BSDC1: variants seen among roughly 807,000 people sequenced by gnomAD.
BSDC1 encodes BSD domain-containing protein 1.
In BSDC1, 29 loss-of-function variants were observed where a neutral mutation model predicts 56.0. The ratio of observed to expected loss-of-function variants is 0.52; its 90% CI spans 0.39 to 0.71. The LOEUF (loss-of-function observed/expected upper bound fraction) is 0.71. Among genes scored for constraint, BSDC1 ranks in the 30% least tolerant of loss-of-function variants. The pLI is 0.00. For synonymous variants in BSDC1, 210 were observed against 215.3 expected (o/e 0.98, Z 0.21); for missense variants, 477 against 548.5 (o/e 0.87, Z 1.30).
At chr1:32,368,960 A>T (rs1641966213) in intron 9 of BSDC1, among the ~76,000 whole-genome samples, 1 of 152,192 alleles carries the variant, frequency 6.6e-6, no homozygotes, top group South Asian at 2.1e-4. Flanking sequence ...CGGCCTCCCA[A>T]GGTGCTGGGA....
Position 32,366,428 on chromosome 1 carries a change from G to A in BSDC1, c.*194C>T, listed in dbSNP as rs374016229. ...TTGGCACAAGTCAGAGTTTCTGGCC[G>A]GGATTTAGAGAGCCCCTTCCCAGGT... On this transcript the variant is annotated 3_prime_UTR_variant, in exon 11 of 11. Coordinates refer to ENST00000455895, the MANE Select transcript of BSDC1 (RefSeq NM_018045.8). The A allele has an allele frequency of 4.4e-5, 31 of 712,204 alleles. 1 individual carries two copies. The highest frequency in any genetic ancestry group is 1.6e-4 in the African/African-American group (9 of 57,460). 44.1% of individuals were successfully genotyped at this position (712,204 alleles called of 1,614,324 possible).
intron 9 of BSDC1, among the ~76,000 whole-genome samples, chr1:32,371,326 T>TA (rs1553162851): frequency 6.8e-6 from 1 of 147,716 alleles, no homozygotes; most frequent in East Asian, 2.0e-4. Flanking sequence ...TTTTTTTTTT[T>TA]ATTTGAGATG....
In BSDC1 at chr1:32,378,424, C is replaced by T. The variant is rs1313099886; in HGVS notation, c.529-141G>A. 7.2e-6 allele frequency: 6 copies of T among 835,120 alleles called. No individual in the cohort carries two copies. The highest frequency in any genetic ancestry group is 2.2e-5 in the Admixed American group (1 of 44,590). The allele number at this position is 835,120 out of a possible 1,614,324, so 51.7% of individuals were successfully genotyped here. A position where few individuals can be genotyped will look rare whatever the true frequency, so the allele number is the denominator to read the frequency against. ...AGCAGTGACAGTCAGAGCACTTCCACCCCCACCAAAGTTTCAGCCAGACCC... is the reference window on the plus strand; with the variant it reads ...AGCAGTGACAGTCAGAGCACTTCCATCCCCACCAAAGTTTCAGCCAGACCC... On this transcript the variant is annotated intron_variant, in intron 6 of 10. Coordinates refer to ENST00000455895, the MANE Select transcript of BSDC1 (RefSeq NM_018045.8). The surrounding 1 kb of genome is among the most constrained non-coding windows in gnomAD (Gnocchi z 5.2).
chr1:32,377,803 G>A (rs1444074832), intron 8 of BSDC1, among the ~76,000 whole-genome samples, 167 bp downstream of exon 8: 1 of 152,192 alleles, frequency 6.6e-6, no homozygotes, highest in Non-Finnish European at 1.5e-5. Flanking sequence ...CACTAGCCTT[G>A]TTCAATATCC....
intron 3 of BSDC1, among the ~76,000 whole-genome samples, chr1:32,386,057 C>T (rs918423723): frequency 5.3e-5 from 8 of 152,078 alleles, no homozygotes; most frequent in East Asian, 3.9e-4. Flanking sequence ...CGGTGGCTCA[C>T]GCCTGTAGTC....
chr1:32,387,062 C>T (rs1020829908), intron 2 of BSDC1, among the ~76,000 whole-genome samples, 167 bp from the exon 3 acceptor site: 3 of 152,234 alleles, frequency 2.0e-5, no homozygotes, highest in African/African-American at 7.2e-5. Context: ...TCTGGGATTA[C>T]CTGACAGCAG....
chr1:32,376,390 G>A lies in BSDC1; in HGVS notation c.1028C>T (p.Thr343Ile). Reference sequence around the variant, plus strand: ...TGGAGGCCTGGGCTCTGGGCCGCCGGTGTGGCCAGCAGGCGTTAGGGGCTT... The same window carrying A: ...TGGAGGCCTGGGCTCTGGGCCGCCGATGTGGCCAGCAGGCGTTAGGGGCTT... ...HSKPLTPAGH[T>I]GGPEPRPPAR... Residue 343 changes from threonine to isoleucine, a missense_variant, in exon 9 of 11, where the codon ACC becomes ATC. Thr to Ile is a moderately conservative substitution (Grantham distance 89). Transcript: ENST00000455895. 1 of 1,613,800 alleles carries A rather than the reference G, an allele frequency of 6.2e-7. No individual in the cohort carries two copies. Among genetic ancestry groups the A allele is most frequent in the Non-Finnish European group, 8.5e-7 (1 of 1,179,720 alleles).
chr1:32,366,553 G>C lies in BSDC1; in HGVS notation c.*69C>G. ...TTGGGGGAACATTCTCAGTCTTCCAGGGCTGGGCTGAGACGAGCGAGGGAG... is the reference window on the plus strand; with the variant it reads ...TTGGGGGAACATTCTCAGTCTTCCACGGCTGGGCTGAGACGAGCGAGGGAG... On this transcript the variant is annotated 3_prime_UTR_variant, in exon 11 of 11. Coordinates refer to ENST00000455895, the MANE Select transcript of BSDC1 (RefSeq NM_018045.8). The C allele has an allele frequency of 1.5e-6, 2 of 1,376,468 alleles. No individual in the cohort carries two copies. The highest frequency in any genetic ancestry group is 2.0e-6 in the Non-Finnish European group (2 of 987,114). The allele number at this position is 1,376,468 out of a possible 1,614,324, so 85.3% of individuals were successfully genotyped here.
intron 2 of BSDC1, among the ~76,000 whole-genome samples, chr1:32,393,424 T>C (rs538956516): frequency 6.6e-6 from 1 of 152,204 alleles, no homozygotes; most frequent in Non-Finnish European, 1.5e-5. Context: ...CTTGGGTTCT[T>C]GCTTTTCATC....
chr1:32,378,366 G>A lies in BSDC1; in HGVS notation c.529-83C>T. 3.6e-6 allele frequency: 5 copies of A among 1,390,358 alleles called. No homozygotes were observed. Among genetic ancestry groups the A allele is most frequent in the Non-Finnish European group, 2.0e-6 (2 of 984,454 alleles). 86.1% of individuals were successfully genotyped at this position (1,390,358 alleles called of 1,614,324 possible). A position where few individuals can be genotyped will look rare whatever the true frequency, so the allele number is the denominator to read the frequency against. ...CCCCAGCCTTATCAGTCTATTCCCAGCCAGTCTGGATTTCAGACCCAGTAA... is the reference window on the plus strand; with the variant it reads ...CCCCAGCCTTATCAGTCTATTCCCAACCAGTCTGGATTTCAGACCCAGTAA... On this transcript the variant is annotated intron_variant, in intron 6 of 10. Coordinates refer to ENST00000455895, the MANE Select transcript of BSDC1 (RefSeq NM_018045.8). The surrounding 1 kb of genome is among the most constrained non-coding windows in gnomAD (Gnocchi z 5.2).
At chr1:32,366,786 G>C (rs747768132) in intron 10 of BSDC1, 132 bp from the exon 11 acceptor site, 33 of 1,423,612 alleles carry the variant, frequency 2.3e-5, no homozygotes, top group Non-Finnish European at 2.7e-5. Context: ...AGGTCCCACT[G>C]AGAGTGAACC....
Position 32,394,435 on chromosome 1 carries a change from A to C in BSDC1, c.-21T>G. ...GCCATCTTGCCTGCATGACATCACC[A>C]CTATTTACTGACCTTTGACTTCCGA... On this transcript the variant is annotated 5_prime_UTR_variant, in exon 1 of 11. Coordinates refer to ENST00000455895, the MANE Select transcript of BSDC1 (RefSeq NM_018045.8). 3 of 1,613,868 alleles carry C rather than the reference A, an allele frequency of 1.9e-6. No individual in the cohort carries two copies. The highest frequency in any genetic ancestry group is 8.5e-7 in the Non-Finnish European group (1 of 1,179,966).
At chr1:32,381,539 T>C (rs1642477481) in intron 4 of BSDC1, among the ~76,000 whole-genome samples, 1 of 152,200 alleles carries the variant, frequency 6.6e-6, no homozygotes, top group Admixed American at 6.5e-5. Context: ...ACAAAATTAT[T>C]TGTATAAAAT....
chr1:32,378,088 A>G lies in BSDC1; in HGVS notation c.598-40T>C. 1 of 1,597,158 alleles carries G rather than the reference A, an allele frequency of 6.3e-7. No homozygotes were observed. On this transcript the variant is annotated intron_variant, in intron 7 of 10. Transcript: ENST00000455895. This position sits in a 1 kb window ranked among gnomAD's most constrained non-coding sequence, Gnocchi z 5.2. The stretch of plus-strand genomic sequence containing the variant: ...GCAGAAGGCCACAGGCAGTCAGGGC[A>G]CCCTCTTCCTAGACCCTGGTCCTGA...
chr1:32,386,740 C>T (rs748609983), intron 3 of BSDC1, 39 bp downstream of exon 3: 18 of 1,530,478 alleles, frequency 1.2e-5, no homozygotes, highest in African/African-American at 4.1e-5. Context: ...GGACAGGTTG[C>T]GAGGGGCAGT....
intron 2 of BSDC1, among the ~76,000 whole-genome samples, chr1:32,392,494 G>GT (rs1310234537): frequency 6.6e-6 from 1 of 152,062 alleles, no homozygotes; most frequent in Non-Finnish European, 1.5e-5. Context: ...AAGACGGAAG[G>GT]TTGGCCAACT....
chr1:32,368,689 C>T, intron 9 of BSDC1, 139 bp from the exon 10 acceptor site: 1 of 1,250,374 alleles, frequency 8.0e-7, no homozygotes, highest in South Asian at 1.6e-5. Flanking sequence ...CACTCTGGCG[C>T]ACCAATCGTA....
chr1:32,369,415 G>A (rs1641986235), intron 9 of BSDC1: 2 of 639,522 alleles, frequency 3.1e-6, no homozygotes, highest in South Asian at 1.7e-5. Flanking sequence ...AGGCTGAGGT[G>A]TGGTGATCAC....
At chr1:32,367,422 ACTC>A (rs1641892102) in intron 10 of BSDC1, 1 of 984,968 alleles carries the variant, frequency 1.0e-6, no homozygotes, top group African/African-American at 1.8e-5. Flanking sequence ...AGTGCAAAAT[ACTC>A]CTGAGTAGGT....
Sources: allele counts gnomAD v4.1 joint callset (sites outside exome capture counted in the v4.1 genomes callset), GRCh38; gene constraint gnomAD v4.1.1; non-coding constraint Gnocchi (gnomAD v3.1); transcripts MANE v1.5; gene names NCBI Gene and HGNC (gene_info 2026-07-23, HGNC 2026-07-21).